The following MAP7D2 variants were observed in gnomAD, a reference collection of about 807,000 sequenced individuals.
The protein encoded by MAP7D2 is MAP7 domain-containing protein 2.
MAP7D2 carries 33 observed loss-of-function variants against 63.5 expected under a neutral mutation model. That is an observed-to-expected ratio of 0.52 (90% CI 0.39 to 0.70). The LOEUF (loss-of-function observed/expected upper bound fraction) is 0.70. Ranked by LOEUF, MAP7D2 falls within the 30% of genes least tolerant of loss-of-function variation. MAP7D2 has a pLI of 0.00. For missense variants in MAP7D2, 626 were observed against 604.0 expected, an observed-to-expected ratio of 1.04 and a Z score of -0.38; for synonymous variants, 224 against 223.7, an observed-to-expected ratio of 1.00 and a Z score of -0.01.
At chrX:20,036,245 T>A (rs949636454) in intron 8 of MAP7D2, among the ~76,000 whole-genome samples, 13 of 109,988 alleles carry the variant, frequency 1.2e-4, no homozygotes, top group Admixed American at 2.9e-4. Context: ...ACAGGCAATT[T>A]ATTTTATTTT....
chrX:20,032,163 A>C (rs1159388599), intron 8 of MAP7D2, among the ~76,000 whole-genome samples: 1 of 112,306 alleles, frequency 8.9e-6, no homozygotes, highest in East Asian at 2.8e-4. Context: ...ATTGGTCTAA[A>C]TTCAAATGAT....
At chrX:20,092,456 G>A (rs1012837974) in intron 1 of MAP7D2, among the ~76,000 whole-genome samples, 1 of 111,288 alleles carries the variant, frequency 9.0e-6, no homozygotes, top group Non-Finnish European at 1.9e-5. Flanking sequence ...TCCCCTCCTT[G>A]TAAGACCAGG....
At chrX:20,074,307 T>A in intron 1 of MAP7D2, among the ~76,000 whole-genome samples, 1 of 110,616 alleles carries the variant, frequency 9.0e-6, no homozygotes, top group Non-Finnish European at 1.9e-5. Flanking sequence ...CAGATTCAGA[T>A]CAGTGAAAGG....
chrX:20,085,989 G>A (rs1035280909), intron 1 of MAP7D2, among the ~76,000 whole-genome samples: 1 of 112,519 alleles, frequency 8.9e-6, no homozygotes, highest in Non-Finnish European at 1.9e-5. Context: ...TGGGATTACA[G>A]GTGTGAGCCA....
At chrX:20,046,110 T>C (rs1372205715) in intron 6 of MAP7D2, among the ~76,000 whole-genome samples, 1 of 112,183 alleles carries the variant, frequency 8.9e-6, no homozygotes, top group Non-Finnish European at 1.9e-5. Context: ...ATGGAGCCTC[T>C]TGAAAAGGGG....
At chrX:20,022,468 C>G (rs1003760057) in intron 10 of MAP7D2, among the ~76,000 whole-genome samples, 2 of 110,735 alleles carry the variant, frequency 1.8e-5, no homozygotes, top group African/African-American at 6.6e-5. Context: ...TCTAGGAGAC[C>G]TAGAGCAGGG....
intron 4 of MAP7D2, among the ~76,000 whole-genome samples, chrX:20,054,717 G>T (rs930374702): frequency 9.0e-6 from 1 of 111,392 alleles, no homozygotes; most frequent in East Asian, 2.8e-4. Context: ...GAGTAGCTGG[G>T]GCTCCAGGCA....
chrX:20,016,026 A>C (rs1603350569), intron 11 of MAP7D2, 68 bp downstream of exon 11: 1 of 889,594 alleles, frequency 1.1e-6, no homozygotes, highest in African/African-American at 2.0e-5. Flanking sequence ...ATTGAAATTT[A>C]ACTAATTGTA....
intron 1 of MAP7D2, among the ~76,000 whole-genome samples, chrX:20,107,278 G>A (rs923430489): frequency 9.0e-6 from 1 of 110,820 alleles, no homozygotes; most frequent in Non-Finnish European, 1.9e-5. Context: ...TGGTACATAA[G>A]AGGATGAAGG....
chrX:20,065,262 T>C (rs1603384115), intron 1 of MAP7D2, among the ~76,000 whole-genome samples: 1 of 107,189 alleles, frequency 9.3e-6, no homozygotes, highest in South Asian at 4.1e-4. Flanking sequence ...CTGAACATTT[T>C]ACTTTTTTTT....
At chrX:20,040,745 A>G (rs1433933485) in intron 8 of MAP7D2, among the ~76,000 whole-genome samples, 1 of 111,679 alleles carries the variant, frequency 9.0e-6, no homozygotes, top group Admixed American at 9.6e-5. Flanking sequence ...CAAAACAATT[A>G]TAACAGTAAC....
At chrX:20,014,786 G>A (rs1569514049) in intron 12 of MAP7D2, among the ~76,000 whole-genome samples, 1 of 110,986 alleles carries the variant, frequency 9.0e-6, no homozygotes, top group Non-Finnish European at 1.9e-5. Context: ...GCATGATCTC[G>A]GCTCACTGCA....
intron 5 of MAP7D2, among the ~76,000 whole-genome samples, chrX:20,051,322 G>A (rs1048852598): frequency 3.6e-5 from 4 of 111,583 alleles, no homozygotes; most frequent in African/African-American, 1.3e-4. Context: ...GGCCAAGGCA[G>A]TCGGGTCACT....
At chrX:20,114,579 G>A (rs1028331848) in intron 1 of MAP7D2, among the ~76,000 whole-genome samples, 1 of 112,318 alleles carries the variant, frequency 8.9e-6, no homozygotes, top group Non-Finnish European at 1.9e-5. Context: ...GCATCACTAG[G>A]GGGTAATGGG....
At chrX:20,049,081 C>T (rs1465877855) in intron 6 of MAP7D2, among the ~76,000 whole-genome samples, 2 of 109,894 alleles carry the variant, frequency 1.8e-5, no homozygotes, top group African/African-American at 3.3e-5. Context: ...AAACTTCGTC[C>T]GTTAAGCAGT....
At chrX:20,026,474 C>T (rs192442120) in intron 8 of MAP7D2, among the ~76,000 whole-genome samples, 116 of 111,855 alleles carry the variant, frequency 1.0e-3, no homozygotes, top group Non-Finnish European at 1.8e-3. Flanking sequence ...TGTGCCTCTT[C>T]CAGGTGACTC....
At chrX:20,098,559 G>T (rs769403761) in intron 1 of MAP7D2, among the ~76,000 whole-genome samples, 6 of 110,425 alleles carry the variant, frequency 5.4e-5, no homozygotes, top group Non-Finnish European at 9.5e-5. Context: ...CTACACGGTG[G>T]GGGGGGGAGC....
chrX:20,057,295 G>A (rs1252526232), intron 3 of MAP7D2, among the ~76,000 whole-genome samples: 1 of 111,717 alleles, frequency 9.0e-6, no homozygotes, highest in Non-Finnish European at 1.9e-5. Context: ...GGAACCAACT[G>A]TTTTACATAG....
chrX:20,066,733 A>C (rs2065372349), intron 1 of MAP7D2, among the ~76,000 whole-genome samples: 1 of 110,416 alleles, frequency 9.1e-6, no homozygotes, highest in Non-Finnish European at 1.9e-5. Context: ...ATCTGTTTAA[A>C]CCCTGCCCAT....
Sources: gnomAD v4.1 joint callset for allele counts (sites outside exome capture counted in the v4.1 genomes callset) on GRCh38, gnomAD v4.1.1 for gene constraint, MANE v1.5 for transcripts, NCBI Gene and HGNC (gene_info 2026-07-23, HGNC 2026-07-21) for gene names.